RASA2: variants seen among roughly 807,000 people sequenced by gnomAD.
RASA2 encodes ras GTPase-activating protein 2.
Under a neutral mutation model 118.2 loss-of-function variants are expected in RASA2, and 155 were observed. The observed-to-expected ratio is 1.31, with a 90% CI of 1.15 to 1.50. The LOEUF (loss-of-function observed/expected upper bound fraction) is 1.50, where lower values mean the gene tolerates loss of function less well. Ranked by LOEUF, RASA2 falls within the 40% of genes most tolerant of loss-of-function variation. The pLI is 0.00. For missense variants in RASA2, 1,016 were observed against 1,009.6 expected (o/e 1.01, Z -0.09); for synonymous variants, 353 against 349.1 (o/e 1.01, Z -0.12).
At chr3:141,557,458 T>C (rs1043364082) in intron 7 of RASA2, among the ~76,000 whole-genome samples, 1 of 152,178 alleles carries the variant, frequency 6.6e-6, no homozygotes, top group Non-Finnish European at 1.5e-5. Flanking sequence ...CAGAAAGTTA[T>C]GTCCAAAGTA....
intron 1 of RASA2, 69 bp downstream of exon 1, chr3:141,487,285 C>G (rs2081589061): frequency 8.3e-7 from 1 of 1,207,068 alleles, no homozygotes; most frequent in East Asian, 3.6e-5. Flanking sequence ...GCGGCGGGTT[C>G]GCGGCGGTGG....
At position 141,610,387 on chromosome 3, in the gene RASA2, A is replaced by G. The variant is rs1033334788; in HGVS notation, c.2519+321A>G. Among the ~76,000 whole-genome samples, 7 of 115,784 alleles carry G rather than the reference A, an allele frequency of 6.0e-5. No homozygotes were observed. In the Admixed American group the frequency reaches 6.7e-4, roughly 11 times the overall value. The allele number at this position is 115,784 out of a possible 152,430, so 76.0% of individuals were successfully genotyped here. A position where few individuals can be genotyped will look rare whatever the true frequency, so the allele number is the denominator to read the frequency against. On this transcript the variant is annotated intron_variant, in intron 23 of 23. Coordinates refer to ENST00000286364, the MANE Select transcript of RASA2 (RefSeq NM_006506.5). ...TTATATATTTATATTTATATATTATATATTTATATTTATATATTATATATT... is the reference window on the plus strand; with the variant it reads ...TTATATATTTATATTTATATATTATGTATTTATATTTATATATTATATATT...
chr3:141,514,646 C>A (rs1392850558), intron 2 of RASA2, among the ~76,000 whole-genome samples: 1 of 152,210 alleles, frequency 6.6e-6, no homozygotes, highest in Non-Finnish European at 1.5e-5. Context: ...TTGTAAATTA[C>A]ACATTCACCT....
At chr3:141,489,600 C>G (rs2081616513) in intron 1 of RASA2, among the ~76,000 whole-genome samples, 1 of 152,170 alleles carries the variant, frequency 6.6e-6, no homozygotes, top group East Asian at 1.9e-4. Context: ...AGCCTCTTTT[C>G]TGGAGAGTTA....
chr3:141,577,466 A>G (rs534609049), intron 15 of RASA2, among the ~76,000 whole-genome samples: 1 of 152,280 alleles, frequency 6.6e-6, no homozygotes, highest in South Asian at 2.1e-4. Context: ...TTTAAACAAA[A>G]TCTACTTTCC....
At chr3:141,572,812 C>CA in intron 12 of RASA2, 89 bp downstream of exon 12, 1 of 1,033,268 alleles carries the variant, frequency 9.7e-7, no homozygotes, top group Non-Finnish European at 1.4e-6. Flanking sequence ...AGGATTTATT[C>CA]ATTCATGTGT....
At chr3:141,575,680 G>A (rs1313311437) in intron 14 of RASA2, among the ~76,000 whole-genome samples, 1 of 148,272 alleles carries the variant, frequency 6.7e-6, no homozygotes, top group Non-Finnish European at 1.5e-5. Flanking sequence ...ACTACATGCT[G>A]CCATTCACTA....
Position 141,580,350 on chromosome 3 carries a change from C to A in RASA2, c.1591-18C>A. 1 of 1,554,314 alleles carries A rather than the reference C, an allele frequency of 6.4e-7. No individual in the cohort carries two copies. The highest frequency in any genetic ancestry group is 8.8e-7 in the Non-Finnish European group (1 of 1,138,954). The stretch of plus-strand genomic sequence containing the variant: ...TTCTTGAAAACTTAGTAGTTTTGGT[C>A]TTTTTTACATTCTTTAGGATGCACA... On this transcript the variant is annotated intron_variant, in intron 15 of 23. Transcript: ENST00000286364.
chr3:141,550,448 A>C (rs887765078), intron 5 of RASA2, among the ~76,000 whole-genome samples: 3 of 152,198 alleles, frequency 2.0e-5, no homozygotes, highest in Admixed American at 6.5e-5. Context: ...ATGACAACTA[A>C]ATGCACTATG....
intron 9 of RASA2, among the ~76,000 whole-genome samples, chr3:141,562,979 G>A (rs1354244293): frequency 6.6e-6 from 1 of 152,160 alleles, no homozygotes; most frequent in Non-Finnish European, 1.5e-5. Flanking sequence ...CCCACGTTCA[G>A]TTATTAATAG....
chr3:141,576,700 G>A (rs545111922), intron 14 of RASA2, among the ~76,000 whole-genome samples: 1 of 152,264 alleles, frequency 6.6e-6, no homozygotes, highest in African/African-American at 2.4e-5. Context: ...TATTTCTGTT[G>A]TAATTTTAGC....
chr3:141,567,286 C>T (rs758003885), intron 9 of RASA2, among the ~76,000 whole-genome samples: 10 of 151,640 alleles, frequency 6.6e-5, no homozygotes, highest in Admixed American at 2.6e-4. Flanking sequence ...TGTGGTGGCC[C>T]GCGCCTGTAG....
intron 1 of RASA2, 23 bp downstream of exon 1, chr3:141,487,239 G>A: frequency 7.5e-7 from 1 of 1,331,234 alleles, no homozygotes; most frequent in Non-Finnish European, 9.7e-7. Flanking sequence ...TGGGCTGAGG[G>A]GACGCCCTGG....
At chr3:141,597,326 G>A (rs554020907) in intron 19 of RASA2, among the ~76,000 whole-genome samples, 59 of 152,254 alleles carry the variant, frequency 3.9e-4, no homozygotes, top group African/African-American at 1.4e-3. Context: ...AAAAAATTAC[G>A]CTAAGTGAAA....
chr3:141,580,729 C>T (rs1560048170), intron 16 of RASA2, among the ~76,000 whole-genome samples: 1 of 151,308 alleles, frequency 6.6e-6, no homozygotes, highest in Non-Finnish European at 1.5e-5. Flanking sequence ...CTGTGGTGCA[C>T]AATGATGGCA....
At chr3:141,523,483 C>A (rs951922676) in intron 3 of RASA2, among the ~76,000 whole-genome samples, 1 of 152,092 alleles carries the variant, frequency 6.6e-6, no homozygotes, top group Admixed American at 6.5e-5. Context: ...TAATTCGGGG[C>A]ATAATTGTTT....
chr3:141,583,508 T>C (rs1163660751), intron 17 of RASA2, among the ~76,000 whole-genome samples: 2 of 152,132 alleles, frequency 1.3e-5, no homozygotes, highest in Non-Finnish European at 2.9e-5. Context: ...AAATAAAATA[T>C]TCACATAACT....
intron 4 of RASA2, among the ~76,000 whole-genome samples, chr3:141,531,894 C>T (rs2082266004): frequency 6.6e-6 from 1 of 151,948 alleles, no homozygotes. Context: ...AGAAAATCAT[C>T]CCATGGTTCA....
chr3:141,525,231 C>G (rs1002832560), intron 3 of RASA2: 1 of 151,948 alleles, frequency 6.6e-6, no homozygotes, highest in African/African-American at 2.4e-5. Flanking sequence ...GTTTTAAGCT[C>G]TTTCTGTCTG....
Sources: gnomAD v4.1 joint callset for allele counts (sites outside exome capture counted in the v4.1 genomes callset) on GRCh38, gnomAD v4.1.1 for gene constraint, MANE v1.5 for transcripts, NCBI Gene and HGNC (gene_info 2026-07-23, HGNC 2026-07-21) for gene names.